Variants in ELAVL4 observed in about 807,000 individuals in gnomAD.
ELAVL4 encodes ELAV-like protein 4.
A neutral mutation model predicts 35.6 loss-of-function variants in ELAVL4; 1 was observed. The observed-to-expected ratio is 0.03, with a 90% confidence interval of 0.01 to 0.13. The LOEUF (loss-of-function observed/expected upper bound fraction) is 0.13, where lower values mean the gene tolerates loss of function less well. Ranked by LOEUF, ELAVL4 falls within the 10% of genes least tolerant of loss-of-function variation. ELAVL4 has a pLI of 1.00. For synonymous variants in ELAVL4, 156 were observed against 171.0 expected (o/e 0.91, Z 0.69); for missense variants, 267 against 464.9 (o/e 0.57, Z 3.91).
intron 1 of ELAVL4, among the ~76,000 whole-genome samples, chr1:50,141,259 G>A (rs1168224088): frequency 6.6e-6 from 1 of 152,114 alleles, no homozygotes; most frequent in Admixed American, 6.5e-5. Context: ...GCCTTGGTGT[G>A]GGATATTTTC....
chr1:50,061,150 G>A (rs558003914), intron 1 of ELAVL4, among the ~76,000 whole-genome samples: 1 of 152,328 alleles, frequency 6.6e-6, no homozygotes, highest in Admixed American at 6.5e-5. Flanking sequence ...TTAACTGTCA[G>A]TGAACAAAAG....
intron 1 of ELAVL4, among the ~76,000 whole-genome samples, chr1:50,055,378 C>A (rs532909354): frequency 8.5e-4 from 129 of 152,120 alleles, no homozygotes; most frequent in Non-Finnish European, 1.1e-3. Context: ...TGGCTCACTG[C>A]GAGCTCCGCC....
intron 3 of ELAVL4, among the ~76,000 whole-genome samples, chr1:50,182,009 A>G (rs550093665): frequency 1.3e-5 from 2 of 152,212 alleles, no homozygotes; most frequent in African/African-American, 2.4e-5. Context: ...GTCGTCTCCA[A>G]TAGGGATCAT....
At chr1:50,103,770 G>C, upstream of ELAVL4, 1 of 681,582 alleles carries the variant, frequency 1.5e-6, no homozygotes, top group South Asian at 1.9e-5. Context: ...GTGTGGATAT[G>C]TGAGTGTCTG....
intron 1 of ELAVL4, among the ~76,000 whole-genome samples, chr1:50,072,166 T>C (rs546859831): frequency 6.6e-6 from 1 of 152,284 alleles, no homozygotes; most frequent in South Asian, 2.1e-4. Flanking sequence ...ATCTAGACTC[T>C]AGAGTCAAGA....
chr1:50,112,526 C>T (rs1667242822), intron 1 of ELAVL4, among the ~76,000 whole-genome samples: 1 of 152,062 alleles, frequency 6.6e-6, no homozygotes. Context: ...CTGCAAAAAA[C>T]ATCTGACTAA....
At chr1:50,086,172 C>G (rs1226468948) in intron 1 of ELAVL4, among the ~76,000 whole-genome samples, 1 of 152,006 alleles carries the variant, frequency 6.6e-6, no homozygotes, top group Non-Finnish European at 1.5e-5. Flanking sequence ...GTAGGCCATT[C>G]CGTCAATATT....
chr1:50,178,062 T>G (rs2148830621), intron 3 of ELAVL4, among the ~76,000 whole-genome samples: 1 of 152,292 alleles, frequency 6.6e-6, no homozygotes, highest in Admixed American at 6.5e-5. Context: ...GGTGGTCTAG[T>G]GGATGGAGCC....
At chr1:50,092,548 G>T (rs1397678219) in intron 1 of ELAVL4, among the ~76,000 whole-genome samples, 7 of 152,190 alleles carry the variant, frequency 4.6e-5, no homozygotes, top group Non-Finnish European at 1.5e-5. Context: ...TCTGACTTTA[G>T]GCAGTGGTTT....
intron 1 of ELAVL4, among the ~76,000 whole-genome samples, chr1:50,065,880 C>G (rs1302832838): frequency 6.6e-6 from 1 of 152,130 alleles, no homozygotes; most frequent in Admixed American, 6.6e-5. Context: ...ACTGGACTAT[C>G]TTCCATGTGA....
At chr1:50,112,504 T>C (rs1667239098) in intron 1 of ELAVL4, among the ~76,000 whole-genome samples, 1 of 152,120 alleles carries the variant, frequency 6.6e-6, no homozygotes, top group African/African-American at 2.4e-5. Context: ...GAAAATCCAA[T>C]TGGAAATATT....
At chr1:50,184,935 ATT>A (rs1245963060) in intron 3 of ELAVL4, among the ~76,000 whole-genome samples, 1 of 152,200 alleles carries the variant, frequency 6.6e-6, no homozygotes, top group Non-Finnish European at 1.5e-5. Context: ...ATATATGGCT[ATT>A]TATATTTGAA....
chr1:50,096,425 A>G (rs1282157302), intron 1 of ELAVL4, among the ~76,000 whole-genome samples: 2 of 149,640 alleles, frequency 1.3e-5, no homozygotes, highest in Non-Finnish European at 3.0e-5. Context: ...ACAGGCATAA[A>G]GACAAGTGTT....
chr1:50,157,342 G>T (rs1029442324), intron 2 of ELAVL4, among the ~76,000 whole-genome samples: 3 of 152,146 alleles, frequency 2.0e-5, no homozygotes, highest in Non-Finnish European at 4.4e-5. Context: ...TAATGTGCTG[G>T]TAAATTCAGG....
intron 1 of ELAVL4, among the ~76,000 whole-genome samples, chr1:50,063,906 C>A (rs577529594): frequency 6.6e-6 from 1 of 152,252 alleles, no homozygotes; most frequent in Admixed American, 6.5e-5. Flanking sequence ...CTTTTCCCAC[C>A]CAGGGATTCC....
At chr1:50,155,934 C>T (rs1320959378) in intron 2 of ELAVL4, among the ~76,000 whole-genome samples, 1 of 152,098 alleles carries the variant, frequency 6.6e-6, no homozygotes, top group South Asian at 2.1e-4. Flanking sequence ...CCTCTAAGTA[C>T]GAGAGAGAGA....
chr1:50,131,614 C>G (rs1046101933), intron 1 of ELAVL4, among the ~76,000 whole-genome samples: 2 of 151,934 alleles, frequency 1.3e-5, no homozygotes, highest in African/African-American at 2.4e-5. Flanking sequence ...ATGGTGAAAA[C>G]CTGTCTCTAC....
chr1:50,118,946 G>C (rs1347161984), intron 1 of ELAVL4, among the ~76,000 whole-genome samples: 1 of 125,528 alleles, frequency 8.0e-6, no homozygotes, highest in African/African-American at 2.9e-5. Context: ...AAAAAAGAAA[G>C]AGAGAGAGAG....
chr1:50,049,366 A>C (rs547806438), intron 1 of ELAVL4, among the ~76,000 whole-genome samples: 61 of 152,316 alleles, frequency 4.0e-4, no homozygotes, highest in Non-Finnish European at 6.8e-4. Flanking sequence ...ATTTCAGAAT[A>C]AGTTTGATGT....
Sources: gnomAD v4.1 joint callset for allele counts (sites outside exome capture counted in the v4.1 genomes callset) on GRCh38, gnomAD v4.1.1 for gene constraint, MANE v1.5 for transcripts, NCBI Gene and HGNC (gene_info 2026-07-23, HGNC 2026-07-21) for gene names.